Variants in RPH3AL observed in about 807,000 individuals in gnomAD.
RPH3AL encodes rabphilin 3A like (without C2 domains), also known as rab effector Noc2.
Under a neutral mutation model 43.1 loss-of-function variants are expected in RPH3AL, and 38 were observed. That is an observed-to-expected ratio of 0.88 (90% CI 0.68 to 1.15). The LOEUF is 1.15. Ranked by LOEUF, RPH3AL falls within the 50% of genes most tolerant of loss-of-function variation. The pLI, the probability that RPH3AL is intolerant of heterozygous loss-of-function variation, is 0.00. For synonymous variants in RPH3AL, 189 were observed against 176.3 expected (o/e 1.07, Z -0.57); for missense variants, 462 against 423.2 (o/e 1.09, Z -0.81).
chr17:296,644 C>A (rs931976026), intron 5 of RPH3AL, among the ~76,000 whole-genome samples: 1 of 152,334 alleles, frequency 6.6e-6, no homozygotes, highest in South Asian at 2.1e-4. Context: ...ACCGGTTGCA[C>A]CTTCACCTCT....
intron 3 of RPH3AL, among the ~76,000 whole-genome samples, chr17:326,187 T>C (rs1469548498): frequency 6.6e-6 from 1 of 152,232 alleles, no homozygotes; most frequent in Non-Finnish European, 1.5e-5. Context: ...GGGGGCCGCA[T>C]GAAGGAGCCG....
At chr17:314,230 G>C (rs1008490807) in intron 5 of RPH3AL, among the ~76,000 whole-genome samples, 2 of 152,146 alleles carry the variant, frequency 1.3e-5, no homozygotes, top group African/African-American at 2.4e-5. Flanking sequence ...GTCCCCTATA[G>C]CTGGAATATT....
chr17:330,473 C>T (rs868318320), intron 2 of RPH3AL, among the ~76,000 whole-genome samples: 1 of 152,262 alleles, frequency 6.6e-6, no homozygotes, highest in South Asian at 2.1e-4. Context: ...CCATCCCAGC[C>T]TTTAGAGCAC....
chr17:329,877 T>C (rs1352612685), intron 2 of RPH3AL, among the ~76,000 whole-genome samples: 1 of 152,256 alleles, frequency 6.6e-6, no homozygotes, highest in Non-Finnish European at 1.5e-5. Flanking sequence ...GTAAATATTT[T>C]TCTTTGATAT....
chr17:302,609 C>T (rs548911884), intron 5 of RPH3AL, among the ~76,000 whole-genome samples: 14 of 152,256 alleles, frequency 9.2e-5, no homozygotes, highest in Non-Finnish European at 1.9e-4. Context: ...GGGAGGCGCC[C>T]GCCGTCGAGG....
At chr17:272,756 T>C (rs193084157) in intron 6 of RPH3AL, among the ~76,000 whole-genome samples, 2 of 120,618 alleles carry the variant, frequency 1.7e-5, no homozygotes, top group East Asian at 5.9e-4. Flanking sequence ...TAAAGTATTA[T>C]TTAAGTCACA....
At chr17:220,031 C>A (rs768542123) in intron 7 of RPH3AL, among the ~76,000 whole-genome samples, 1 of 152,184 alleles carries the variant, frequency 6.6e-6, no homozygotes, top group African/African-American at 2.4e-5. Context: ...TGTTCTAGTT[C>A]CTCTAGTGGA....
rs2041779753 is a variant in RPH3AL at position 246,943 on chromosome 17, C to T, written c.613+168G>A. On this transcript the variant is annotated intron_variant, in intron 7 of 9. Transcript: ENST00000331302. The surrounding 1 kb of genome is among the most constrained non-coding windows in gnomAD (Gnocchi z 4.8). ...AGTCACCTGCTGGAGGTCCCCGCTG[C>T]TCACTCGGGAGAAGGTGTGGAGCTG... Among the ~76,000 whole-genome samples the T allele has an allele frequency of 6.6e-6, 1 of 152,224 alleles. No homozygotes were observed. The highest frequency in any genetic ancestry group is 2.4e-5 in the African/African-American group (1 of 41,464).
chr17:316,464 C>T (rs1555518580), intron 5 of RPH3AL, among the ~76,000 whole-genome samples: 1 of 151,134 alleles, frequency 6.6e-6, no homozygotes. Context: ...CTCCACTGAC[C>T]TGTAGTCTCT....
intron 6 of RPH3AL, among the ~76,000 whole-genome samples, chr17:268,983 A>AT (rs2042391551): frequency 6.6e-6 from 1 of 152,038 alleles, no homozygotes; most frequent in African/African-American, 2.4e-5. Context: ...GGTTCACGCC[A>AT]TTCTCCTGCC....
chr17:228,909 G>A (rs920605502), intron 7 of RPH3AL, among the ~76,000 whole-genome samples: 1 of 152,154 alleles, frequency 6.6e-6, no homozygotes, highest in African/African-American at 2.4e-5. Context: ...CAGCAGCTAG[G>A]GTTGAGCTCT....
chr17:234,747 T>C (rs972763454), intron 7 of RPH3AL, among the ~76,000 whole-genome samples: 3 of 152,156 alleles, frequency 2.0e-5, no homozygotes, highest in Non-Finnish European at 4.4e-5. Flanking sequence ...GGCTGGTATA[T>C]GTGACAGAAA....
chr17:327,313 G>T (rs768748135), intron 3 of RPH3AL, among the ~76,000 whole-genome samples, 154 bp downstream of exon 3: 40 of 152,206 alleles, frequency 2.6e-4, no homozygotes, highest in Non-Finnish European at 4.4e-4. Context: ...TGAGTGAATG[G>T]CTGTGTCCAG....
intron 5 of RPH3AL, among the ~76,000 whole-genome samples, chr17:308,330 C>T (rs941335741): frequency 4.6e-5 from 7 of 152,212 alleles, no homozygotes; most frequent in Non-Finnish European, 8.8e-5. Context: ...AAACTGACTT[C>T]TCCTAAGCCT....
intron 1 of RPH3AL, among the ~76,000 whole-genome samples, chr17:337,209 C>G (rs537367705): frequency 6.6e-6 from 1 of 151,976 alleles, no homozygotes; most frequent in Non-Finnish European, 1.5e-5. Context: ...TCCAACTCCT[C>G]GGCTCCCGTG....
At chr17:293,220 G>A (rs1017876725) in intron 5 of RPH3AL, among the ~76,000 whole-genome samples, 10 of 152,036 alleles carry the variant, frequency 6.6e-5, no homozygotes, top group East Asian at 2.0e-4. Context: ...TTTCAAGCTC[G>A]GCTTCCAAAA....
intron 5 of RPH3AL, among the ~76,000 whole-genome samples, chr17:304,769 C>A (rs1275552011): frequency 3.3e-5 from 5 of 151,970 alleles, no homozygotes; most frequent in African/African-American, 1.2e-4. Context: ...TTTGTTCCCT[C>A]CCGCCCTGCC....
chr17:301,246 G>A (rs995352055), intron 5 of RPH3AL, among the ~76,000 whole-genome samples: 1 of 152,226 alleles, frequency 6.6e-6, no homozygotes, highest in Non-Finnish European at 1.5e-5. Context: ...CCTTCCTTTG[G>A]GGTCTCCTGC....
chr17:301,800 G>A (rs1448040842), intron 5 of RPH3AL, among the ~76,000 whole-genome samples: 6 of 152,232 alleles, frequency 3.9e-5, no homozygotes, highest in East Asian at 3.9e-4. Flanking sequence ...GTTCTGACCC[G>A]AGCCGTAGGA....
Sources: allele counts gnomAD v4.1 joint callset (sites outside exome capture counted in the v4.1 genomes callset), GRCh38; gene constraint gnomAD v4.1.1; non-coding constraint Gnocchi (gnomAD v3.1); transcripts MANE v1.5; gene names NCBI Gene and HGNC (gene_info 2026-07-23, HGNC 2026-07-21).